The following ADD1 variants were observed in gnomAD, a reference collection of about 807,000 sequenced individuals.
The protein encoded by ADD1 is adducin 1.
Under a neutral mutation model 80.5 loss-of-function variants are expected in ADD1, and 24 were observed. The observed-to-expected ratio is 0.30, with a 90% CI of 0.22 to 0.42. The LOEUF is 0.42. Ranked by LOEUF, ADD1 falls within the 10% of genes least tolerant of loss-of-function variation. The probability of loss-of-function intolerance (pLI) is 1.00; values close to 1 mark genes in which losing one functional copy is unlikely to be tolerated. For missense variants in ADD1, 948 were observed against 1,019.0 expected (o/e 0.93, Z 0.95); for synonymous variants, 373 against 393.8 (o/e 0.95, Z 0.63).
intron 1 of ADD1, among the ~76,000 whole-genome samples, chr4:2,857,244 G>A (rs1041450722): frequency 2.6e-5 from 4 of 152,018 alleles, no homozygotes; most frequent in South Asian, 2.1e-4. Flanking sequence ...GTTTTAATTC[G>A]CAAATTCCTC....
In ADD1 at chr4:2,914,993, TGGA is replaced by T. The variant is rs1207130335; in HGVS notation, c.1906_1908del (p.Glu636del). 1 of 1,614,034 alleles carries T rather than the reference TGGA, an allele frequency of 6.2e-7. No homozygotes were observed. The highest frequency in any genetic ancestry group is 1.7e-5 in the Admixed American group (1 of 59,994). ...TTCACCACACTCACAGACCGTGAGC[TGGA>T]GGAGTACCGCAGGGAGGTGGAGAGG... On this transcript the variant is annotated inframe_deletion, in exon 14 of 16. Coordinates refer to ENST00000683351, the MANE Select transcript of ADD1 (RefSeq NM_001354761.2).
chr4:2,861,766 G>C (rs1728853307), intron 1 of ADD1, among the ~76,000 whole-genome samples: 1 of 152,114 alleles, frequency 6.6e-6, no homozygotes, highest in Non-Finnish European at 1.5e-5. Flanking sequence ...AATGTATGAC[G>C]AGGGCTGAGA....
chr4:2,926,141 T>C lies in ADD1; in HGVS notation c.2047+29T>C, dbSNP rs770710611. On this transcript the variant is annotated intron_variant, in intron 15 of 15. Coordinates refer to ENST00000683351, the MANE Select transcript of ADD1 (RefSeq NM_001354761.2). This position sits in a 1 kb window ranked among gnomAD's most constrained non-coding sequence, Gnocchi z 5.0. ...AGCTCTGGGTGGCAGCGGCCGCCAC[T>C]GTGGGAGGGTGCACGGCTCGTGCGC... 15 of 1,588,850 alleles carry C rather than the reference T, an allele frequency of 9.4e-6. No individual in the cohort carries two copies. The South Asian group carries it at 1.3e-4, about 14-fold the overall frequency.
At chr4:2,858,190 A>T (rs922720387) in intron 1 of ADD1, among the ~76,000 whole-genome samples, 18 of 152,206 alleles carry the variant, frequency 1.2e-4, no homozygotes, top group Admixed American at 2.0e-4. Context: ...AGTGTCCATT[A>T]CAGAATGTTC....
chr4:2,886,687 C>T (rs565028525), intron 4 of ADD1, among the ~76,000 whole-genome samples: 3 of 152,230 alleles, frequency 2.0e-5, no homozygotes, highest in East Asian at 1.9e-4. Context: ...ATGAAACCCC[C>T]GGCTGAACTG....
At chr4:2,908,494 G>C (rs1467030212) in intron 11 of ADD1, 21 bp from the exon 12 acceptor site, 1 of 1,607,310 alleles carries the variant, frequency 6.2e-7, no homozygotes. Flanking sequence ...GTTGATGTGT[G>C]CCTCTCCTTC....
chr4:2,863,540 A>G (rs546820040), intron 1 of ADD1, among the ~76,000 whole-genome samples: 21 of 152,268 alleles, frequency 1.4e-4, no homozygotes, highest in African/African-American at 3.4e-4. Context: ...GCAAGAAGCA[A>G]TTTGGTGCTG....
intron 1 of ADD1, chr4:2,854,957 T>C (rs1312513642): frequency 6.6e-6 from 1 of 152,226 alleles, no homozygotes; most frequent in African/African-American, 2.4e-5. Flanking sequence ...AATCTGTTCC[T>C]CGCCTCTTCC....
At chr4:2,882,264 T>A (rs1732479614) in intron 3 of ADD1, among the ~76,000 whole-genome samples, 2 of 152,230 alleles carry the variant, frequency 1.3e-5, no homozygotes, top group Non-Finnish European at 2.9e-5. Flanking sequence ...CCTCTTTTCT[T>A]AGCCAGTGAG....
intron 2 of ADD1, among the ~76,000 whole-genome samples, chr4:2,877,806 T>G (rs1326919509): frequency 6.6e-6 from 1 of 152,052 alleles, no homozygotes; most frequent in Non-Finnish European, 1.5e-5. Flanking sequence ...GGAATCCGCA[T>G]CTCTACCAAA....
At chr4:2,854,612 C>T (rs951381188) in intron 1 of ADD1, among the ~76,000 whole-genome samples, 4 of 152,100 alleles carry the variant, frequency 2.6e-5, no homozygotes, top group African/African-American at 9.7e-5. Flanking sequence ...TTGAGCTGTA[C>T]TTAGGTTTAT....
chr4:2,869,461 G>C (rs1223408844), intron 1 of ADD1, among the ~76,000 whole-genome samples: 1 of 152,308 alleles, frequency 6.6e-6, no homozygotes, highest in Non-Finnish European at 1.5e-5. Flanking sequence ...GGTCTGCCTT[G>C]TGGACCCCAT....
Position 2,926,420 on chromosome 4 carries a change from C to T in ADD1, c.2047+308C>T. 2 of 693,038 alleles carry T rather than the reference C, an allele frequency of 2.9e-6. No homozygotes were observed. The highest frequency in any genetic ancestry group is 5.3e-6 in the Non-Finnish European group (2 of 380,900). 42.9% of individuals were successfully genotyped at this position (693,038 alleles called of 1,614,324 possible). On this transcript the variant is annotated intron_variant, in intron 15 of 15. Transcript: ENST00000683351. This position sits in a 1 kb window ranked among gnomAD's most constrained non-coding sequence, Gnocchi z 5.0. Reference sequence around the variant, plus strand: ...TGCCGTGTTGTCATGCAGATGCCACCTTCGGAGGTGCCCTCCGCTGTGTGA... The same window carrying T: ...TGCCGTGTTGTCATGCAGATGCCACTTTCGGAGGTGCCCTCCGCTGTGTGA...
rs780129873 is a variant in ADD1, at chr4:2,898,459, C to G, written c.912C>G (p.Leu304=). 5.0e-6 allele frequency: 8 copies of G among 1,614,086 alleles called. No individual in the cohort carries two copies. Among genetic ancestry groups the G allele is most frequent in the Non-Finnish European group, 5.9e-6 (7 of 1,180,048 alleles). The change falls in exon 8 of 16, where the codon CTC becomes CTG. Residue 304 remains leucine (L), a synonymous_variant. Transcript: ENST00000683351. Reference sequence around the variant, plus strand: ...TTCTTATTCTCCGGAACCATGGGCTCGTGTCAGTTGGAGAGAGCGTTGAGG... The same window carrying G: ...TTCTTATTCTCCGGAACCATGGGCTGGTGTCAGTTGGAGAGAGCGTTGAGG... ...SKVLILRNHG[L]VSVGESVEEA...
At chr4:2,871,547 G>T (rs1427542168) in intron 1 of ADD1, among the ~76,000 whole-genome samples, 1 of 152,180 alleles carries the variant, frequency 6.6e-6, no homozygotes, top group Non-Finnish European at 1.5e-5. Flanking sequence ...TTCATCTGAA[G>T]GCCGGCAGAG....
chr4:2,898,908 C>A, intron 8 of ADD1: 1 of 378,730 alleles, frequency 2.6e-6, no homozygotes, highest in Non-Finnish European at 4.9e-6. Flanking sequence ...GACTTGCCTG[C>A]AGCTTACAGC....
intron 1 of ADD1, among the ~76,000 whole-genome samples, chr4:2,859,086 T>C (rs1435097779): frequency 6.6e-6 from 1 of 152,174 alleles, no homozygotes; most frequent in African/African-American, 2.4e-5. Flanking sequence ...TTGTTGATGA[T>C]GTGATAGCTG....
In ADD1 at chr4:2,875,897, AACCTAGAAAG is replaced by A; in HGVS notation, c.-17_-8del. 1 of 1,568,784 alleles carries A rather than the reference AACCTAGAAAG, an allele frequency of 6.4e-7. No individual in the cohort carries two copies. Among genetic ancestry groups the A allele is most frequent in the Non-Finnish European group, 8.6e-7 (1 of 1,159,756 alleles). On this transcript the variant is annotated splice_region_variant and 5_prime_UTR_variant, in exon 2 of 16. Transcript: ENST00000683351. The stretch of plus-strand genomic sequence containing the variant: ...ATTTCTTTTATTTTGATTCTGTAGG[AACCTAGAAAG>A]ATTGTACAATGAATGGTGATTCTCG...
intron 6 of ADD1, among the ~76,000 whole-genome samples, chr4:2,896,494 C>A (rs902765485): frequency 3.3e-5 from 5 of 152,118 alleles, no homozygotes; most frequent in African/African-American, 9.7e-5. Context: ...CAGGCATGAG[C>A]CACCACGTCC....
Sources: gnomAD v4.1 joint callset for allele counts (sites outside exome capture counted in the v4.1 genomes callset) on GRCh38, gnomAD v4.1.1 for gene constraint, Gnocchi (gnomAD v3.1) non-coding constraint, MANE v1.5 for transcripts, NCBI Gene and HGNC (gene_info 2026-07-23, HGNC 2026-07-21) for gene names.